The following DMD variants were observed in gnomAD, a reference collection of about 807,000 sequenced individuals.
The protein encoded by DMD is dystrophin.
DMD carries 63 observed loss-of-function variants against 330.1 expected under a neutral mutation model. That is an observed-to-expected ratio of 0.19 (90% CI 0.16 to 0.24). DMD has a LOEUF of 0.24. Ranked by LOEUF, DMD falls within the 10% of genes least tolerant of loss-of-function variation. The pLI is 1.00. For missense variants in DMD, 3,344 were observed against 2,684.1 expected, an observed-to-expected ratio of 1.25 and a Z score of -5.43; for synonymous variants, 1,223 against 959.8, an observed-to-expected ratio of 1.27 and a Z score of -5.07.
At chrX:31,728,321 G>A (rs1220910151) in intron 52 of DMD, among the ~76,000 whole-genome samples, 3 of 112,168 alleles carry the variant, frequency 2.7e-5, no homozygotes, top group South Asian at 7.3e-4. Flanking sequence ...CACCGCGCCC[G>A]GCCGAGTAAC....
At chrX:32,945,960 A>G (rs1006666184) in intron 2 of DMD, among the ~76,000 whole-genome samples, 2 of 111,233 alleles carry the variant, frequency 1.8e-5, no homozygotes, top group Admixed American at 1.9e-4. Context: ...ATAGTTTTCA[A>G]TGTGTATGCT....
intron 60 of DMD, among the ~76,000 whole-genome samples, chrX:31,401,140 G>A (rs1035344050): frequency 8.1e-5 from 9 of 111,418 alleles, no homozygotes; most frequent in Admixed American, 1.9e-4. Flanking sequence ...TAAATTCTGA[G>A]ATTGCATGGC....
intron 63 of DMD, among the ~76,000 whole-genome samples, chrX:31,257,021 G>T (rs896269197): frequency 6.4e-5 from 7 of 109,103 alleles, no homozygotes. Flanking sequence ...GTAAATACTT[G>T]CTACTTTTTC....
At chrX:31,453,779 A>AAAAAAAAAAAAAAAC (rs1569543804) in intron 59 of DMD, among the ~76,000 whole-genome samples, 6 of 104,199 alleles carry the variant, frequency 5.8e-5, no homozygotes, top group East Asian at 2.9e-4. Context: ...AAAAAAAAAA[A>AAAAAAAAAAAAAAAC]AAAAAAAAAA....
At chrX:32,059,070 TGGTTGCTAAGGGCTGGA>T (rs1171161024) in intron 44 of DMD, among the ~76,000 whole-genome samples, 2 of 110,720 alleles carry the variant, frequency 1.8e-5, no homozygotes, top group Non-Finnish European at 3.8e-5. Flanking sequence ...AGTACAATGG[TGGTTGCTAAGGGCTGGA>T]GGAGGGAAGA....
chrX:32,889,409 A>G (rs2084969328), intron 2 of DMD, among the ~76,000 whole-genome samples: 1 of 110,595 alleles, frequency 9.0e-6, no homozygotes, highest in Non-Finnish European at 1.9e-5. Flanking sequence ...TATGGGATGA[A>G]TTGTACATGA....
chrX:32,553,989 A>T (rs2049883768), intron 16 of DMD, among the ~76,000 whole-genome samples: 1 of 112,505 alleles, frequency 8.9e-6, no homozygotes, highest in East Asian at 2.8e-4. Context: ...GGCTTCAGCC[A>T]TTCCACCCAG....
intron 7 of DMD, among the ~76,000 whole-genome samples, chrX:32,729,659 A>C (rs749414230): frequency 1.8e-5 from 2 of 112,013 alleles, no homozygotes; most frequent in Non-Finnish European, 1.9e-5. Flanking sequence ...GCCAAATTTA[A>C]TAGAGTATCA....
rs187527288 is a variant in DMD, at chrX:32,664,188, G to C, written c.961-19036C>G. ...ATGGTGGTGGCCATGTAAGTAGTCA[G>C]AAGTGATCAGATTCTGGATATATAC... is the stretch of plus-strand genomic sequence containing the variant. On this transcript the variant is annotated intron_variant, in intron 9 of 78. Coordinates refer to ENST00000357033, the MANE Select transcript of DMD (RefSeq NM_004006.3). 1.1e-3 allele frequency among the ~76,000 whole-genome samples: 124 copies of C among 109,034 alleles called. 1 individual carries two copies. The Admixed American group carries it at 0.012, about 11-fold the overall frequency. 94.7% of individuals were successfully genotyped at this position (109,034 alleles called of 115,157 possible).
At chrX:32,094,750 T>C (rs894808758) in intron 44 of DMD, among the ~76,000 whole-genome samples, 4 of 112,014 alleles carry the variant, frequency 3.6e-5, no homozygotes, top group African/African-American at 1.3e-4. Context: ...AATAGGAAGA[T>C]AGCCAAGAAA....
chrX:32,252,667 TATATATATAAATATATAA>T (rs1432203079), intron 43 of DMD, among the ~76,000 whole-genome samples: 98 of 40,651 alleles, frequency 2.4e-3, no homozygotes, highest in South Asian at 5.1e-3. Flanking sequence ...TATATAAATA[TATATATATAAATATATAA>T]ATATATATAT....
chrX:31,389,871 C>T (rs1309233019), intron 60 of DMD, among the ~76,000 whole-genome samples: 1 of 111,882 alleles, frequency 8.9e-6, no homozygotes, highest in Non-Finnish European at 1.9e-5. Context: ...TGAGAGATTC[C>T]TTCTTCAGCT....
chrX:32,563,533 T>C (rs773765650), intron 16 of DMD, among the ~76,000 whole-genome samples: 70 of 111,052 alleles, frequency 6.3e-4, no homozygotes, highest in African/African-American at 2.3e-3. Context: ...TGTTGGACTT[T>C]ATTTCATAAA....
intron 1 of DMD, among the ~76,000 whole-genome samples, chrX:33,042,301 C>T (rs775842795): frequency 4.5e-5 from 5 of 111,823 alleles, no homozygotes; most frequent in Non-Finnish European, 3.8e-5. Flanking sequence ...CATTCTGTCA[C>T]ATTTTCAATA....
intron 1 of DMD, among the ~76,000 whole-genome samples, chrX:33,318,635 C>A (rs1430192007): frequency 9.2e-6 from 1 of 108,298 alleles, no homozygotes; most frequent in South Asian, 4.1e-4. Flanking sequence ...TTAGTAGAGA[C>A]AGGGTTTCAC....
At chrX:32,044,460 C>G (rs971788097) in intron 44 of DMD, among the ~76,000 whole-genome samples, 29 of 108,918 alleles carry the variant, frequency 2.7e-4, no homozygotes, top group African/African-American at 1.0e-4. Flanking sequence ...CTCGCTCTGT[C>G]GCCCAGGTTG....
intron 54 of DMD, among the ~76,000 whole-genome samples, chrX:31,656,476 T>C (rs992786280): frequency 2.7e-5 from 3 of 112,011 alleles, no homozygotes; most frequent in African/African-American, 9.7e-5. Context: ...TTTCATACCA[T>C]GAGCAAGCTT....
At chrX:32,048,878 GA>G (rs1342043519) in intron 44 of DMD, among the ~76,000 whole-genome samples, 1 of 111,342 alleles carries the variant, frequency 9.0e-6, no homozygotes, top group Non-Finnish European at 1.9e-5. Context: ...AAACTGTGTG[GA>G]CAGAGGCTGA....
At chrX:32,678,603 G>A (rs2062136591) in intron 9 of DMD, among the ~76,000 whole-genome samples, 1 of 110,718 alleles carries the variant, frequency 9.0e-6, no homozygotes, top group Non-Finnish European at 1.9e-5. Context: ...AACTGTCCAG[G>A]CCAATATGAG....
Sources: gnomAD v4.1 joint callset for allele counts (sites outside exome capture counted in the v4.1 genomes callset) on GRCh38, gnomAD v4.1.1 for gene constraint, MANE v1.5 for transcripts, NCBI Gene and HGNC (gene_info 2026-07-23, HGNC 2026-07-21) for gene names.